Variants in MS4A1 observed in about 807,000 individuals in gnomAD.
MS4A1 encodes the protein membrane spanning 4-domains A1, also known as B-lymphocyte antigen CD20.
MS4A1 carries 16 observed loss-of-function variants against 26.5 expected under a neutral mutation model. The observed-to-expected ratio is 0.60, with a 90% CI of 0.41 to 0.92. The LOEUF (loss-of-function observed/expected upper bound fraction) is 0.92, where lower values mean the gene tolerates loss of function less well. Ranked by LOEUF, MS4A1 falls within the 40% of genes least tolerant of loss-of-function variation. The pLI is 0.00. For missense variants in MS4A1, 350 were observed against 353.0 expected (o/e 0.99, Z 0.07); for synonymous variants, 128 against 117.6 (o/e 1.09, Z -0.57).
intron 1 of MS4A1, among the ~76,000 whole-genome samples, chr11:60,457,219 T>G (rs993395151): frequency 2.0e-5 from 3 of 152,080 alleles, no homozygotes; most frequent in African/African-American, 7.2e-5. Flanking sequence ...ACTTCAAAGT[T>G]GAGAAGATTC....
rs34920821 is a variant in MS4A1 at position 60,459,776 on chromosome 11, T to C, written c.-279-1296T>C. Among the ~76,000 whole-genome samples, 26 of 152,322 alleles carry C rather than the reference T, an allele frequency of 1.7e-4. No homozygotes were observed. In the East Asian group the frequency reaches 5.0e-3, roughly 29 times the overall value. On this transcript the variant is annotated intron_variant, in intron 1 of 7. Coordinates refer to ENST00000345732, the MANE Select transcript of MS4A1 (RefSeq NM_152866.3). ...ACCAAAGTTTCTTCTCTCTTTCCTC[T>C]AGCCCATGCGCCAGACAGATAATAC...
intron 4 of MS4A1, among the ~76,000 whole-genome samples, chr11:60,463,341 T>C (rs2086264683): frequency 6.6e-6 from 1 of 152,076 alleles, no homozygotes; most frequent in South Asian, 2.1e-4. Context: ...AAAGGGGCCC[T>C]GCATGGATCT....
At chr11:60,462,953 A>G in intron 3 of MS4A1, 49 bp from the exon 4 acceptor site, 1 of 1,609,810 alleles carries the variant, frequency 6.2e-7, no homozygotes, top group South Asian at 1.1e-5. Flanking sequence ...TTTGCCTGCT[A>G]GCAGTGATGA....
rs2086328873 is a variant in MS4A1, at chr11:60,469,858, AC to A, written c.*1391del. 6.6e-6 allele frequency: 1 copy of A among 152,078 alleles called. No individual in the cohort carries two copies. The highest frequency in any genetic ancestry group is 2.4e-5 in the African/African-American group (1 of 41,442). The allele number at this position is 152,078 out of a possible 1,614,324, so 9.4% of individuals were successfully genotyped here. On this transcript the variant is annotated 3_prime_UTR_variant, in exon 8 of 8. Transcript: ENST00000345732. ...GTAGTCTATTATTTGGGCATTTGCT[AC>A]ATGATGAGTGCTGCCAGATTGTGGC...
chr11:60,461,644 C>A lies in MS4A1; in HGVS notation c.-191+484C>A, dbSNP rs149798711. Among the ~76,000 whole-genome samples, 923 of 151,744 alleles carry A rather than the reference C, an allele frequency of 6.1e-3. 12 individuals carry two copies. The highest frequency in any genetic ancestry group is 0.02 in the African/African-American group (850 of 41,516). ...AAGCAATTCTCCTGCCTTAGCCTCC[C>A]GAGTAGCTGGGATTACAGGTGCACA... On this transcript the variant is annotated intron_variant, in intron 2 of 7. Transcript: ENST00000345732.
At chr11:60,463,270 C>A in intron 4 of MS4A1, 149 bp downstream of exon 4, 1 of 1,160,802 alleles carries the variant, frequency 8.6e-7, no homozygotes, top group Non-Finnish European at 1.2e-6. Flanking sequence ...GACAGGTTGA[C>A]CAAATTGAGT....
chr11:60,466,032 G>A lies in MS4A1; in HGVS notation c.448G>A (p.Glu150Lys), dbSNP rs2086288211. The A allele has an allele frequency of 8.7e-6, 14 of 1,613,386 alleles. No individual in the cohort carries two copies. In the East Asian group the frequency reaches 3.1e-4, roughly 36 times the overall value. Residue 150 changes from glutamate to lysine, a missense_variant, in exon 6 of 8, where the codon GAG (glutamate) becomes AAG (lysine). By Grantham distance (56) the Glu-to-Lys change is moderately conservative. Transcript: ENST00000345732. ...TAAAATTTCCCATTTTTTAAAAATG[G>A]AGAGTCTGAATTTTATTAGAGCTCA... ...NIKISHFLKM[E>K]SLNFIRAHTP...
rs201536499 is a variant in MS4A1 at position 60,468,582 on chromosome 11, C to A, written c.*114C>A. 137 of 942,470 alleles carry A rather than the reference C, an allele frequency of 1.5e-4. No homozygotes were observed. The African/African-American group carries it at 1.9e-3, about 13-fold the overall frequency. The allele number at this position is 942,470 out of a possible 1,614,324, so 58.4% of individuals were successfully genotyped here. ...CTGCACATACGCACCACATCTCTATCTGGCCTTTGCATGGAGTGACCATAG... is the reference window on the plus strand; with the variant it reads ...CTGCACATACGCACCACATCTCTATATGGCCTTTGCATGGAGTGACCATAG... On this transcript the variant is annotated 3_prime_UTR_variant, in exon 8 of 8. Transcript: ENST00000345732.
intron 1 of MS4A1, 110 bp downstream of exon 1, chr11:60,456,055 T>A (rs1048537155): frequency 6.6e-6 from 1 of 152,192 alleles, no homozygotes; most frequent in East Asian, 1.9e-4. Flanking sequence ...GTTTCCCTAG[T>A]CAGACTTCCT....
chr11:60,467,182 T>C (rs897148523), intron 7 of MS4A1, 122 bp downstream of exon 7: 1 of 786,612 alleles, frequency 1.3e-6, no homozygotes, highest in Non-Finnish European at 2.1e-6. Flanking sequence ...AAAAAAAAAA[T>C]TGGTCTTGGC....
intron 1 of MS4A1, among the ~76,000 whole-genome samples, chr11:60,456,248 C>T (rs929395786): frequency 6.6e-6 from 1 of 152,162 alleles, no homozygotes; most frequent in Admixed American, 6.5e-5. Flanking sequence ...AACTGGAGCT[C>T]TACCACTAAC....
chr11:60,467,402 G>A (rs1016457560), intron 7 of MS4A1, among the ~76,000 whole-genome samples: 10 of 150,468 alleles, frequency 6.6e-5, no homozygotes, highest in Admixed American at 1.3e-4. Flanking sequence ...TCACCCTCCC[G>A]AGTAGCTGGG....
At chr11:60,463,778 G>A (rs2086267990) in intron 4 of MS4A1, 1 of 455,544 alleles carries the variant, frequency 2.2e-6, no homozygotes, top group Non-Finnish European at 4.4e-6. Flanking sequence ...TGTGAGAAAA[G>A]GAAGATGAGC....
At position 60,466,956 on chromosome 11, in the gene MS4A1, C is replaced by T. The variant is rs751162275; in HGVS notation, c.574-3C>T. ...TCACCTTCATTCTTCTGTTGTTTTT[C>T]AGGGCATTTTGTCAGTGATGCTGAT... On this transcript the variant is annotated splice_region_variant and splice_polypyrimidine_tract_variant and intron_variant, in intron 6 of 7. Transcript: ENST00000345732. 1 of 1,613,780 alleles carries T rather than the reference C, an allele frequency of 6.2e-7. No individual in the cohort carries two copies. The highest frequency in any genetic ancestry group is 8.5e-7 in the Non-Finnish European group (1 of 1,179,718).
intron 7 of MS4A1, among the ~76,000 whole-genome samples, chr11:60,467,940 A>C (rs1168855060): frequency 6.6e-6 from 1 of 152,240 alleles, no homozygotes; most frequent in African/African-American, 2.4e-5. Flanking sequence ...AGTTATATTC[A>C]CTAAAGGCAA....
Position 60,461,103 on chromosome 11 carries a change from T to C in MS4A1, c.-248T>C, listed in dbSNP as rs1378650168. On this transcript the variant is annotated 5_prime_UTR_variant, in exon 2 of 8. Transcript: ENST00000345732. ...AACAAGAGAGAACAAAATCTCTACT[T>C]TGATGGAACTTCCATTCTGTGGGGA... 3 of 151,872 alleles carry C rather than the reference T, an allele frequency of 2.0e-5. No homozygotes were observed. Among genetic ancestry groups the C allele is most frequent in the Non-Finnish European group, 2.9e-5 (2 of 68,040 alleles). 9.4% of individuals were successfully genotyped at this position (151,872 alleles called of 1,614,324 possible). A position where few individuals can be genotyped will look rare whatever the true frequency, so the allele number is the denominator to read the frequency against.
intron 1 of MS4A1, among the ~76,000 whole-genome samples, 191 bp downstream of exon 1, chr11:60,456,136 C>G (rs1221904433): frequency 6.6e-6 from 1 of 152,142 alleles, no homozygotes; most frequent in Non-Finnish European, 1.5e-5. Flanking sequence ...TAATCAGTCT[C>G]CCTCTCAACA....
At chr11:60,458,927 T>G (rs1286837224) in intron 1 of MS4A1, among the ~76,000 whole-genome samples, 1 of 152,138 alleles carries the variant, frequency 6.6e-6, no homozygotes, top group African/African-American at 2.4e-5. Context: ...TGTTTAAGGT[T>G]TGTAGAAGTA....
In MS4A1 at chr11:60,470,157, C is replaced by T. The variant is rs200610209; in HGVS notation, c.*1689C>T. On this transcript the variant is annotated 3_prime_UTR_variant, in exon 8 of 8. Transcript: ENST00000345732. Reference sequence around the variant, plus strand: ...GCCTTGAGTTGATATTTATACAACCCAAATCTAGGTTTGAACGGTGAGGTG... The same window carrying T: ...GCCTTGAGTTGATATTTATACAACCTAAATCTAGGTTTGAACGGTGAGGTG... 1 of 151,836 alleles carries T rather than the reference C, an allele frequency of 6.6e-6. No individual in the cohort carries two copies. Among genetic ancestry groups the T allele is most frequent in the East Asian group, 1.9e-4 (1 of 5,170 alleles). 9.4% of individuals were successfully genotyped at this position (151,836 alleles called of 1,614,324 possible). A position where few individuals can be genotyped will look rare whatever the true frequency, so the allele number is the denominator to read the frequency against.
Sources: allele counts gnomAD v4.1 joint callset (sites outside exome capture counted in the v4.1 genomes callset), GRCh38; gene constraint gnomAD v4.1.1; transcripts MANE v1.5; gene names NCBI Gene and HGNC (gene_info 2026-07-23, HGNC 2026-07-21).